SPATA13: variants seen among roughly 807,000 people sequenced by gnomAD.
SPATA13 encodes spermatogenesis-associated protein 13.
A neutral mutation model predicts 104.0 loss-of-function variants in SPATA13; 50 were observed. The observed-to-expected ratio is 0.48, with a 90% CI of 0.38 to 0.61. The LOEUF (loss-of-function observed/expected upper bound fraction) is 0.61, where lower values mean the gene tolerates loss of function less well. Ranked by LOEUF, SPATA13 falls within the 20% of genes least tolerant of loss-of-function variation. The pLI, the probability that SPATA13 is intolerant of heterozygous loss-of-function variation, is 0.00. For missense variants in SPATA13, 1,524 were observed against 1,690.6 expected (o/e 0.90, Z 1.73); for synonymous variants, 606 against 667.5 (o/e 0.91, Z 1.42).
intron 1 of SPATA13, among the ~76,000 whole-genome samples, chr13:24,187,866 C>T (rs1490848469): frequency 6.6e-6 from 1 of 152,090 alleles, no homozygotes; most frequent in Non-Finnish European, 1.5e-5. Context: ...TCTACAATAA[C>T]CTCTAAGTGT....
intron 3 of SPATA13, among the ~76,000 whole-genome samples, chr13:24,152,052 G>T (rs1357670883): frequency 6.6e-6 from 1 of 152,198 alleles, no homozygotes; most frequent in Admixed American, 6.5e-5. Flanking sequence ...AGTGTGATAC[G>T]TGAACACACT....
At chr13:24,103,121 G>A (rs1566103988) in intron 3 of SPATA13, among the ~76,000 whole-genome samples, 1 of 152,138 alleles carries the variant, frequency 6.6e-6, no homozygotes, top group African/African-American at 2.4e-5. Flanking sequence ...GGCATAATGA[G>A]GGCAGAAGAA....
intron 3 of SPATA13, among the ~76,000 whole-genome samples, chr13:24,073,158 A>G (rs1593312760): frequency 1.3e-5 from 2 of 152,078 alleles, no homozygotes; most frequent in East Asian, 1.9e-4. Context: ...AGAAGATTGT[A>G]TGTTGGTGTT....
chr13:24,223,104 G>A lies in SPATA13; in HGVS notation c.175G>A (p.Asp59Asn), dbSNP rs751531943. 8 of 1,551,682 alleles carry A rather than the reference G, an allele frequency of 5.2e-6. No homozygotes were observed. Among genetic ancestry groups the A allele is most frequent in the South Asian group, 3.6e-5 (3 of 84,064 alleles). Reference protein sequence around the residue: ...NGVCGCSPGGDTDTQEAKLSP... With the variant: ...NGVCGCSPGGNTDTQEAKLSP... The stretch of plus-strand genomic sequence containing the variant: ...AGTCTGTGGCTGCAGCCCTGGTGGC[G>A]ACACGGACACCCAGGAAGCCAAACT... Residue 59 changes from aspartate to asparagine, a missense_variant, in exon 2 of 13, where the codon GAC (aspartate) becomes AAC (asparagine). Asp to Asn is a conservative substitution (Grantham distance 23). Coordinates refer to ENST00000382108, the MANE Select transcript of SPATA13 (RefSeq NM_001166271.3).
At chr13:24,033,426 T>C (rs1383636497) in intron 3 of SPATA13, 3 of 152,220 alleles carry the variant, frequency 2.0e-5, no homozygotes, top group African/African-American at 7.2e-5. Context: ...CCTTTTCTAT[T>C]AATGACTATG....
intron 1 of SPATA13, among the ~76,000 whole-genome samples, chr13:23,983,311 A>G (rs529874827): frequency 3.3e-5 from 5 of 152,160 alleles, no homozygotes; most frequent in African/African-American, 1.2e-4. Flanking sequence ...ATCCTTCTAT[A>G]TTGTCTGTGT....
intron 3 of SPATA13, among the ~76,000 whole-genome samples, chr13:24,047,844 G>C (rs1033148960): frequency 1.3e-5 from 2 of 152,232 alleles, no homozygotes; most frequent in Non-Finnish European, 2.9e-5. Flanking sequence ...AGGATCTGCT[G>C]TCTGTAACCT....
intron 3 of SPATA13, among the ~76,000 whole-genome samples, chr13:24,105,893 A>C (rs2061145823): frequency 6.6e-6 from 1 of 152,180 alleles, no homozygotes; most frequent in Non-Finnish European, 1.5e-5. Context: ...CAGGGTGAAG[A>C]CGGCCACCTG....
At chr13:24,003,646 A>T (rs1205418476) in intron 2 of SPATA13, among the ~76,000 whole-genome samples, 1 of 152,240 alleles carries the variant, frequency 6.6e-6, no homozygotes, top group Non-Finnish European at 1.5e-5. Context: ...ATTTAATTGC[A>T]TATAATGCAT....
At chr13:24,292,944 C>T (rs901768607) in intron 9 of SPATA13, among the ~76,000 whole-genome samples, 7 of 121,480 alleles carry the variant, frequency 5.8e-5, no homozygotes, top group Middle Eastern at 8.1e-3. Context: ...TGCAATGAGC[C>T]GAGATCGCAC....
At chr13:24,008,902 G>C (rs117149646) in intron 2 of SPATA13, among the ~76,000 whole-genome samples, 16 of 152,320 alleles carry the variant, frequency 1.1e-4, no homozygotes, top group Non-Finnish European at 1.8e-4. Flanking sequence ...GAGGGAAGAG[G>C]GGGGAAAGCA....
chr13:24,270,531 T>C (rs887135817), intron 4 of SPATA13, among the ~76,000 whole-genome samples: 1 of 152,236 alleles, frequency 6.6e-6, no homozygotes, highest in African/African-American at 2.4e-5. Context: ...TTCTCCTACC[T>C]TCACTGAAGG....
rs774755222 is a variant in SPATA13, at chr13:24,189,830, A to T, written c.-112+28898A>T. On this transcript the variant is annotated intron_variant, in intron 1 of 12. Coordinates refer to ENST00000382108, the MANE Select transcript of SPATA13 (RefSeq NM_001166271.3). ...ATATAATATATTATAAATATATATA[A>T]AATGATATTTAATATATTATATTAA... Among the ~76,000 whole-genome samples the T allele has an allele frequency of 1.0e-4, 7 of 67,854 alleles. 2 individuals carry two copies. The highest frequency in any genetic ancestry group is 8.2e-5 in the Non-Finnish European group (3 of 36,386). 44.5% of individuals were successfully genotyped at this position (67,854 alleles called of 152,430 possible).
At chr13:24,090,179 G>A (rs9580861) in intron 3 of SPATA13, among the ~76,000 whole-genome samples, 5,887 of 151,978 alleles carry the variant, frequency 0.039, 324 homozygotes, top group African/African-American at 0.12. Flanking sequence ...TTTCCCCCCA[G>A]TTCTCTGCAC....
chr13:24,139,162 C>T (rs922366004), intron 3 of SPATA13, among the ~76,000 whole-genome samples: 1 of 152,156 alleles, frequency 6.6e-6, no homozygotes, highest in African/African-American at 2.4e-5. Flanking sequence ...ACACACGCAT[C>T]ATTCCAGTCT....
chr13:24,035,275 C>G (rs1042995189), intron 3 of SPATA13, among the ~76,000 whole-genome samples: 1 of 144,232 alleles, frequency 6.9e-6, no homozygotes, highest in African/African-American at 3.0e-5. Context: ...GTGCCTCAGC[C>G]TCCCGAGTAG....
chr13:24,132,293 G>A (rs776220886), intron 3 of SPATA13, among the ~76,000 whole-genome samples: 1 of 152,216 alleles, frequency 6.6e-6, no homozygotes, highest in Non-Finnish European at 1.5e-5. Flanking sequence ...TTCTGTTATA[G>A]GAGAACAGTG....
At chr13:24,045,008 T>C (rs1347997488) in intron 3 of SPATA13, among the ~76,000 whole-genome samples, 1 of 152,186 alleles carries the variant, frequency 6.6e-6, no homozygotes, top group Non-Finnish European at 1.5e-5. Flanking sequence ...TCTTCCTTTA[T>C]TCTTTCGTGT....
chr13:24,078,499 T>C (rs568993732), intron 3 of SPATA13, among the ~76,000 whole-genome samples: 1 of 152,220 alleles, frequency 6.6e-6, no homozygotes, highest in Non-Finnish European at 1.5e-5. Flanking sequence ...TTTTAGTGAC[T>C]AGTGGAGCCA....
Sources: allele counts gnomAD v4.1 joint callset (sites outside exome capture counted in the v4.1 genomes callset), GRCh38; gene constraint gnomAD v4.1.1; transcripts MANE v1.5; gene names NCBI Gene and HGNC (gene_info 2026-07-23, HGNC 2026-07-21).